SPON1: variants seen among roughly 807,000 people sequenced by gnomAD.
The protein encoded by SPON1 is spondin-1.
SPON1 carries 52 observed loss-of-function variants against 111.7 expected under a neutral mutation model. The observed-to-expected ratio is 0.47, with a 90% CI of 0.37 to 0.59. The LOEUF is 0.59. SPON1 is among the 20% of genes least tolerant of loss of function. The probability of loss-of-function intolerance (pLI) is 0.00; values close to 1 mark genes in which losing one functional copy is unlikely to be tolerated. For synonymous variants in SPON1, 410 were observed against 395.8 expected (o/e 1.04, Z -0.43); for missense variants, 957 against 1,068.5 (o/e 0.90, Z 1.46).
rs192775649 is a variant in SPON1 at position 14,083,054 on chromosome 11, A to G, written c.676+3033A>G. ...TCTTCCATGTATCAAAAACTAAAAC[A>G]GAGAAATTGAAAAATATTATTTATT... On this transcript the variant is annotated intron_variant, in intron 5 of 15. Transcript: ENST00000576479. Among the ~76,000 whole-genome samples the G allele has an allele frequency of 1.9e-3, 290 of 151,600 alleles. 3 individuals carry two copies. Among genetic ancestry groups the G allele is most frequent in the African/African-American group, 6.7e-3 (272 of 40,870 alleles).
At chr11:14,051,552 GAGAC>G (rs1848707931) in intron 3 of SPON1, among the ~76,000 whole-genome samples, 1 of 150,860 alleles carries the variant, frequency 6.6e-6, no homozygotes, top group Non-Finnish European at 1.5e-5. Flanking sequence ...AAAAAAAAGA[GAGAC>G]AGGGCTTCCT....
intron 7 of SPON1, among the ~76,000 whole-genome samples, chr11:14,253,433 G>A (rs1440379497): frequency 1.3e-5 from 2 of 152,194 alleles, no homozygotes; most frequent in African/African-American, 4.8e-5. Context: ...ACACTGAGAC[G>A]CAGAAAGGTT....
intron 2 of SPON1, among the ~76,000 whole-genome samples, chr11:14,029,748 G>C (rs1554915800): frequency 6.6e-6 from 1 of 152,148 alleles, no homozygotes; most frequent in African/African-American, 2.4e-5. Context: ...CAGCCTTCAG[G>C]CTGTTTTAGG....
At chr11:14,066,820 G>T (rs1416428993) in intron 3 of SPON1, among the ~76,000 whole-genome samples, 1 of 151,994 alleles carries the variant, frequency 6.6e-6, no homozygotes, top group East Asian at 1.9e-4. Context: ...GTCCACAGCT[G>T]TCCCTCTTCT....
At chr11:14,121,159 G>A (rs1224911896) in intron 5 of SPON1, among the ~76,000 whole-genome samples, 3 of 152,318 alleles carry the variant, frequency 2.0e-5, no homozygotes, top group Non-Finnish European at 4.4e-5. Flanking sequence ...GCCAAGGGCT[G>A]GGAGTGGTGG....
intron 6 of SPON1, among the ~76,000 whole-genome samples, chr11:14,210,844 A>G (rs1341748079): frequency 6.6e-6 from 1 of 152,172 alleles, no homozygotes; most frequent in African/African-American, 2.4e-5. Flanking sequence ...TCCCAACACC[A>G]TTTATTAAAT....
intron 6 of SPON1, among the ~76,000 whole-genome samples, chr11:14,194,528 T>TCACACACACACACACACACACA: frequency 9.4e-6 from 1 of 106,894 alleles, no homozygotes; most frequent in Middle Eastern, 5.0e-3. Flanking sequence ...TAGGCCTACT[T>TCACACACACACACACACACACA]CACACACACA....
At chr11:14,126,121 C>A (rs527477476) in intron 5 of SPON1, among the ~76,000 whole-genome samples, 1 of 152,308 alleles carries the variant, frequency 6.6e-6, no homozygotes, top group African/African-American at 2.4e-5. Context: ...AGGGCCCACC[C>A]ACAATAGGGA....
At chr11:14,238,066 T>C (rs1283379952) in intron 6 of SPON1, among the ~76,000 whole-genome samples, 17 of 152,254 alleles carry the variant, frequency 1.1e-4, no homozygotes, top group Admixed American at 1.1e-3. Context: ...TATATCCACC[T>C]TGCAAATGTG....
intron 7 of SPON1, among the ~76,000 whole-genome samples, chr11:14,248,085 G>A (rs1177684050): frequency 1.3e-5 from 2 of 152,198 alleles, no homozygotes; most frequent in Non-Finnish European, 2.9e-5. Context: ...GCCAGGGGAA[G>A]AAAGTGTTTG....
intron 15 of SPON1, among the ~76,000 whole-genome samples, chr11:14,263,525 A>T (rs955079679): frequency 1.3e-5 from 2 of 152,150 alleles, no homozygotes; most frequent in African/African-American, 2.4e-5. Flanking sequence ...GGCTAACCAG[A>T]AGTTTATCAG....
intron 2 of SPON1, among the ~76,000 whole-genome samples, chr11:14,040,580 C>CT (rs1848624505): frequency 6.6e-6 from 1 of 152,024 alleles, no homozygotes; most frequent in Admixed American, 6.5e-5. Flanking sequence ...TACTTCATTC[C>CT]TTTTGTCTGT....
chr11:14,073,990 G>T (rs116700148), intron 3 of SPON1, among the ~76,000 whole-genome samples: 2,373 of 152,258 alleles, frequency 0.016, 58 homozygotes, highest in African/African-American at 0.054. Flanking sequence ...CCTCCACAGA[G>T]GTCCTGGAGG....
At chr11:14,113,090 G>A (rs1406094941) in intron 5 of SPON1, among the ~76,000 whole-genome samples, 1 of 152,256 alleles carries the variant, frequency 6.6e-6, no homozygotes, top group Admixed American at 6.5e-5. Flanking sequence ...TCCCTCCAAG[G>A]GAGAACTAGG....
intron 1 of SPON1, among the ~76,000 whole-genome samples, chr11:13,973,287 G>C (rs1848077340): frequency 6.6e-6 from 1 of 152,228 alleles, no homozygotes; most frequent in Admixed American, 6.5e-5. Flanking sequence ...TTTGTGACTT[G>C]ATATTTGAGG....
intron 2 of SPON1, among the ~76,000 whole-genome samples, chr11:14,007,391 T>C (rs958374126): frequency 4.0e-5 from 6 of 151,864 alleles, no homozygotes; most frequent in Non-Finnish European, 8.8e-5. Context: ...GAACTTGGAG[T>C]CTGATGTTCA....
intron 2 of SPON1, among the ~76,000 whole-genome samples, chr11:13,990,469 G>T (rs1848220785): frequency 7.7e-6 from 1 of 130,622 alleles, no homozygotes; most frequent in Admixed American, 9.0e-5. Flanking sequence ...GTGTGTCTTT[G>T]CATGTTAGAT....
chr11:14,089,346 T>C (rs1554923038), intron 5 of SPON1, among the ~76,000 whole-genome samples: 1 of 152,192 alleles, frequency 6.6e-6, no homozygotes. Flanking sequence ...GATGTTGATG[T>C]TATTGCTTCC....
At chr11:14,236,474 C>T (rs1183739217) in intron 6 of SPON1, among the ~76,000 whole-genome samples, 1 of 152,112 alleles carries the variant, frequency 6.6e-6, no homozygotes, top group Admixed American at 6.5e-5. Context: ...CACTTAGATA[C>T]CCAGATGAAA....
Sources: allele counts gnomAD v4.1 joint callset (sites outside exome capture counted in the v4.1 genomes callset), GRCh38; gene constraint gnomAD v4.1.1; transcripts MANE v1.5; gene names NCBI Gene and HGNC (gene_info 2026-07-23, HGNC 2026-07-21).